PAX4: variants seen among roughly 807,000 people sequenced by gnomAD.
The protein encoded by PAX4 is paired box 4.
A neutral mutation model predicts 40.6 loss-of-function variants in PAX4; 33 were observed. The observed-to-expected ratio is 0.81, with a 90% CI of 0.62 to 1.09. PAX4 has a LOEUF of 1.09. PAX4 is among the 50% of genes least tolerant of loss of function. PAX4 has a pLI of 0.00. For synonymous variants in PAX4, 174 were observed against 170.6 expected, an observed-to-expected ratio of 1.02 and a Z score of -0.16; for missense variants, 459 against 442.5, an observed-to-expected ratio of 1.04 and a Z score of -0.33.
chr7:127,615,423 C>A lies in PAX4; in HGVS notation c.122G>T (p.Cys41Phe). ...VRLAVSGMRP[C>F]DISRILKVSN... ...TACCTTAAGGATCCGTGAGATGTCA[C>A]AGGGCCGCATTCCACTGACTGCTAG... The change falls in exon 4 of 12, where the codon TGT (cysteine) becomes TTT (phenylalanine). Residue 41 changes from cysteine (C) to phenylalanine (F), a missense_variant. Coordinates refer to ENST00000639438, the MANE Select transcript of PAX4 (RefSeq NM_001366110.1). 2 of 1,614,214 alleles carry A rather than the reference C, an allele frequency of 1.2e-6. No homozygotes were observed. The highest frequency in any genetic ancestry group is 2.2e-5 in the South Asian group (2 of 91,086).
At chr7:127,617,792 G>A (rs1794741770) in intron 1 of PAX4, among the ~76,000 whole-genome samples, 170 bp downstream of exon 1, 1 of 152,124 alleles carries the variant, frequency 6.6e-6, no homozygotes, top group African/African-American at 2.4e-5. Flanking sequence ...ATATTAACAT[G>A]TCTGAAAAAA....
chr7:127,614,542 G>T lies in PAX4; in HGVS notation c.376C>A (p.Arg126=), dbSNP rs748573868. 6.3e-7 allele frequency: 1 copy of T among 1,592,618 alleles called. No individual in the cohort carries two copies. Among genetic ancestry groups the T allele is most frequent in the East Asian group, 2.3e-5 (1 of 44,110 alleles). The change falls in exon 6 of 12, where the codon CGA becomes AGA. Residue 126 remains arginine, a synonymous_variant. Coordinates refer to ENST00000639438, the MANE Select transcript of PAX4 (RefSeq NM_001366110.1). The part of the protein sequence containing the change: ...DKTPSVSSIN[R]VLRALQEDQG... ...TCCTCCTGTAATGCCCGCAGGACTC[G>T]GTTGATGGAGGAGACCTGGGAGTGT...
At position 127,610,386 on chromosome 7, in the gene PAX4, C is replaced by A; in HGVS notation, c.*678G>T. On this transcript the variant is annotated 3_prime_UTR_variant, in exon 12 of 12. Transcript: ENST00000639438. ...ATATGCAAATACAAAATACATATGACAAAATACATATGACAAAAATACATA... is the reference window on the plus strand; with the variant it reads ...ATATGCAAATACAAAATACATATGAAAAAATACATATGACAAAAATACATA... The A allele has an allele frequency of 6.4e-6, 1 of 157,136 alleles. No homozygotes were observed. The highest frequency in any genetic ancestry group is 1.4e-5 in the Non-Finnish European group (1 of 71,842). 9.7% of individuals were successfully genotyped at this position (157,136 alleles called of 1,614,324 possible). A position where few individuals can be genotyped will look rare whatever the true frequency, so the allele number is the denominator to read the frequency against.
chr7:127,611,727 T>G, intron 10 of PAX4, 51 bp from the exon 11 acceptor site: 1 of 1,603,136 alleles, frequency 6.2e-7, no homozygotes, highest in South Asian at 1.1e-5. Flanking sequence ...ATGCCTCCTG[T>G]AGAGAACGCC....
intron 4 of PAX4, 115 bp downstream of exon 4, chr7:127,615,286 G>A: frequency 1.2e-6 from 2 of 1,606,366 alleles, no homozygotes; most frequent in Non-Finnish European, 1.7e-6. Context: ...CCCAGGAAGT[G>A]ACCCAAGTCC....
intron 2 of PAX4, among the ~76,000 whole-genome samples, chr7:127,616,984 G>A (rs1348038817): frequency 3.3e-5 from 5 of 152,194 alleles, no homozygotes; most frequent in Non-Finnish European, 7.3e-5. Context: ...TGGTAGTGCT[G>A]GAGATCACCC....
At position 127,614,544 on chromosome 7, in the gene PAX4, T is replaced by A; in HGVS notation, c.374A>T (p.Asn125Ile). The A allele has an allele frequency of 1.3e-6, 2 of 1,593,022 alleles. No individual in the cohort carries two copies. The highest frequency in any genetic ancestry group is 8.6e-7 in the Non-Finnish European group (1 of 1,169,256). ...CTCCTGTAATGCCCGCAGGACTCGGTTGATGGAGGAGACCTGGGAGTGTCA... is the reference window on the plus strand; with the variant it reads ...CTCCTGTAATGCCCGCAGGACTCGGATGATGGAGGAGACCTGGGAGTGTCA... Reference protein sequence around the residue: ...QDKTPSVSSINRVLRALQEDQ... With the variant: ...QDKTPSVSSIIRVLRALQEDQ... The change falls in exon 6 of 12, where the codon AAC becomes ATC. Residue 125 changes from asparagine to isoleucine, a missense_variant. Transcript: ENST00000639438.
intron 8 of PAX4, 64 bp from the exon 9 acceptor site, chr7:127,613,155 A>C: frequency 4.6e-6 from 6 of 1,296,682 alleles, no homozygotes; most frequent in Non-Finnish European, 6.7e-6. Flanking sequence ...TGCTGATCTC[A>C]CCACATGTTC....
rs141407429 is a variant in PAX4, at chr7:127,613,459, G to A, written c.636C>T (p.Asp212=). The part of the protein sequence containing the change: ...KLATATSLPE[D]TVRVWFSNRR... ...TGCAGAGCTCACTCACCCTCACCGT[G>A]TCCTCAGGCAGAGAGGTGGCAGTAG... The change falls in exon 8 of 12, where the codon GAC becomes GAT. Residue 212 remains aspartate (D), a synonymous_variant. Coordinates refer to ENST00000639438, the MANE Select transcript of PAX4 (RefSeq NM_001366110.1). The A allele has an allele frequency of 2.7e-4, 441 of 1,614,010 alleles. 2 individuals carry two copies. In the African/African-American group the frequency reaches 4.0e-3, roughly 15 times the overall value.
intron 3 of PAX4, 59 bp from the exon 4 acceptor site, chr7:127,615,590 G>A (rs1464971031): frequency 3.7e-6 from 6 of 1,610,846 alleles, no homozygotes; most frequent in Non-Finnish European, 5.1e-6. Flanking sequence ...CCCGCCTGTG[G>A]AGAGGGTCAC....
Position 127,613,451 on chromosome 7 carries a change from C to G in PAX4, c.644G>C (p.Arg215Thr), listed in dbSNP as rs1431618361. 1.9e-6 allele frequency: 3 copies of G among 1,613,930 alleles called. No homozygotes were observed. In the African/African-American group the frequency reaches 4.0e-5, roughly 22 times the overall value. The change falls in exon 8 of 12, where the codon AGG (arginine) becomes ACG (threonine). Residue 215 changes from arginine (R) to threonine (T), a missense_variant and splice_region_variant. Arg to Thr is a moderately conservative substitution (Grantham distance 71, BLOSUM62 -1). Coordinates refer to ENST00000639438, the MANE Select transcript of PAX4 (RefSeq NM_001366110.1). ...TACAGTGTTGCAGAGCTCACTCACC[C>G]TCACCGTGTCCTCAGGCAGAGAGGT... ...TATSLPEDTV[R>T]VWFSNRRAKW...
chr7:127,616,098 T>C, intron 2 of PAX4, 71 bp from the exon 3 acceptor site: 1 of 730,592 alleles, frequency 1.4e-6, no homozygotes, highest in South Asian at 2.0e-5. Flanking sequence ...TGTTTTGTGA[T>C]AGAGGGTCAG....
rs1794659278 is a variant in PAX4, at chr7:127,612,936, G to T, written c.715+86C>A. ...TGGATAAATGGATGGACGAATGGAG[G>T]ATGGATGGATGGATGGATGGATGGA... On this transcript the variant is annotated intron_variant, in intron 9 of 11. Coordinates refer to ENST00000639438, the MANE Select transcript of PAX4 (RefSeq NM_001366110.1). 3 of 657,776 alleles carry T rather than the reference G, an allele frequency of 4.6e-6. No homozygotes were observed. In the Admixed American group the frequency reaches 7.4e-5, roughly 16 times the overall value. 40.7% of individuals were successfully genotyped at this position (657,776 alleles called of 1,614,324 possible). A position where few individuals can be genotyped will look rare whatever the true frequency, so the allele number is the denominator to read the frequency against.
intron 11 of PAX4, 106 bp from the exon 12 acceptor site, chr7:127,611,312 C>T (rs778565622): frequency 7.2e-5 from 93 of 1,297,574 alleles, no homozygotes; most frequent in Non-Finnish European, 9.4e-5. Flanking sequence ...TGCATATACA[C>T]ACTTGAATCC....
chr7:127,615,680 C>A, intron 3 of PAX4, 149 bp from the exon 4 acceptor site: 1 of 1,541,146 alleles, frequency 6.5e-7, no homozygotes, highest in Non-Finnish European at 8.7e-7. Flanking sequence ...CCCAGGCTGT[C>A]AACGCAAGCT....
At chr7:127,614,619 A>G (rs1794693880) in intron 5 of PAX4, 62 bp from the exon 6 acceptor site, 1 of 1,365,680 alleles carries the variant, frequency 7.3e-7, no homozygotes, top group Non-Finnish European at 1.0e-6. Flanking sequence ...TACCCTGAGG[A>G]TGTTGCCCTT....
chr7:127,613,437 A>T lies in PAX4; in HGVS notation c.645+13T>A, dbSNP rs1430454599. On this transcript the variant is annotated intron_variant, in intron 8 of 11. Transcript: ENST00000639438. ...CTCCTTGTGGTTTGTACAGTGTTGC[A>T]GAGCTCACTCACCCTCACCGTGTCC... 3 of 1,612,918 alleles carry T rather than the reference A, an allele frequency of 1.9e-6. No individual in the cohort carries two copies. Among genetic ancestry groups the T allele is most frequent in the Non-Finnish European group, 2.5e-6 (3 of 1,178,884 alleles).
Position 127,615,396 on chromosome 7 carries a change from A to G in PAX4, c.144+5T>C. 4 of 1,614,056 alleles carry G rather than the reference A, an allele frequency of 2.5e-6. No individual in the cohort carries two copies. The highest frequency in any genetic ancestry group is 3.4e-6 in the Non-Finnish European group (4 of 1,180,004). On this transcript the variant is annotated splice_donor_5th_base_variant and intron_variant, in intron 4 of 11. Coordinates refer to ENST00000639438, the MANE Select transcript of PAX4 (RefSeq NM_001366110.1). ...CATCACTGGGTAAAGGTGCTGGCCC[A>G]TTACCTTAAGGATCCGTGAGATGTC...
rs61297182 is a variant in PAX4 at position 127,610,570 on chromosome 7, T to TGCGC, written c.*490_*493dup. 9.6e-5 allele frequency: 31 copies of TGCGC among 321,736 alleles called. No individual in the cohort carries two copies. Among genetic ancestry groups the TGCGC allele is most frequent in the South Asian group, 3.6e-4 (11 of 30,496 alleles). 19.9% of individuals were successfully genotyped at this position (321,736 alleles called of 1,614,324 possible). A position where few individuals can be genotyped will look rare whatever the true frequency, so the allele number is the denominator to read the frequency against. On this transcript the variant is annotated 3_prime_UTR_variant, in exon 12 of 12. Coordinates refer to ENST00000639438, the MANE Select transcript of PAX4 (RefSeq NM_001366110.1). ...CAGTGTGTGTGTGTGTGTGTGTGTG[T>TGCGC]GCGCGCACGCATGCACGCATACATA...
Sources: allele counts gnomAD v4.1 joint callset (sites outside exome capture counted in the v4.1 genomes callset), GRCh38; gene constraint gnomAD v4.1.1; transcripts MANE v1.5; gene names NCBI Gene and HGNC (gene_info 2026-07-23, HGNC 2026-07-21).